Variants in GALNT13 observed in about 807,000 individuals in gnomAD.
GALNT13 encodes the protein UDP-GalNAc:polypeptide N-acetylgalactosaminyltransferase 13.
In GALNT13, 28 loss-of-function variants were observed where a neutral mutation model predicts 64.2. That is an observed-to-expected ratio of 0.44 (90% CI 0.32 to 0.60). GALNT13 has a LOEUF of 0.60. Ranked by LOEUF, GALNT13 falls within the 20% of genes least tolerant of loss-of-function variation. The pLI, the probability that GALNT13 is intolerant of heterozygous loss-of-function variation, is 0.05. For missense variants in GALNT13, 577 were observed against 669.8 expected, an observed-to-expected ratio of 0.86 and a Z score of 1.53; for synonymous variants, 214 against 224.6, an observed-to-expected ratio of 0.95 and a Z score of 0.42.
At chr2:153,328,171 G>T in the GALNT13 span, among the ~76,000 whole-genome samples, 19 of 152,172 alleles carry the variant, frequency 1.2e-4, no homozygotes, top group African/African-American at 4.6e-4. Context: ...TCCTTCCTCT[G>T]GAAGCTTCAT....
chr2:153,766,137 T>C, the GALNT13 span, among the ~76,000 whole-genome samples: 1 of 151,814 alleles, frequency 6.6e-6, no homozygotes, highest in African/African-American at 2.4e-5. Flanking sequence ...AAAATATTCA[T>C]GGTTGGCATT....
At chr2:153,899,994 G>T (rs1688131707) in intron 1 of GALNT13, among the ~76,000 whole-genome samples, 1 of 141,010 alleles carries the variant, frequency 7.1e-6, no homozygotes, top group Non-Finnish European at 1.5e-5. Context: ...GGAGTGCAGT[G>T]GCACGATCTC....
chr2:153,930,379 G>A (rs1338138781), intron 2 of GALNT13, among the ~76,000 whole-genome samples: 2 of 152,088 alleles, frequency 1.3e-5, no homozygotes, highest in East Asian at 3.9e-4. Flanking sequence ...ATTGCTTTTG[G>A]CATCTTCATC....
chr2:154,450,899 T>A lies in GALNT13; in HGVS notation c.*348T>A, dbSNP rs1207944265. On this transcript the variant is annotated 3_prime_UTR_variant, in exon 13 of 13. Coordinates refer to ENST00000392825, the MANE Select transcript of GALNT13 (RefSeq NM_052917.4). ...TTGTCATGGTGATTGAAAGAGATAA[T>A]GTAAATGCCTTATAAAATCTTCATT... is the stretch of plus-strand genomic sequence containing the variant. The A allele has an allele frequency of 5.8e-6, 1 of 172,714 alleles. No homozygotes were observed. The highest frequency in any genetic ancestry group is 5.9e-5 in the Admixed American group (1 of 16,928). The allele number at this position is 172,714 out of a possible 1,614,324, so 10.7% of individuals were successfully genotyped here. A position where few individuals can be genotyped will look rare whatever the true frequency, so the allele number is the denominator to read the frequency against.
the GALNT13 span, among the ~76,000 whole-genome samples, chr2:153,750,494 T>G: frequency 1.2e-4 from 18 of 151,996 alleles, no homozygotes; most frequent in East Asian, 3.5e-3. Context: ...CGTTTTGATA[T>G]TGTTACTTGT....
At chr2:154,419,302 T>A (rs953405022) in intron 11 of GALNT13, among the ~76,000 whole-genome samples, 1 of 152,152 alleles carries the variant, frequency 6.6e-6, no homozygotes, top group African/African-American at 2.4e-5. Context: ...ATGTTAAATA[T>A]GTCATGTTTG....
the GALNT13 span, among the ~76,000 whole-genome samples, chr2:153,438,644 A>C: frequency 1.3e-5 from 2 of 152,112 alleles, no homozygotes; most frequent in South Asian, 4.2e-4. Flanking sequence ...TGCATTCATC[A>C]CGTAGTTCTC....
At chr2:153,875,637 G>A (rs1686313269) in intron 1 of GALNT13, among the ~76,000 whole-genome samples, 1 of 152,154 alleles carries the variant, frequency 6.6e-6, no homozygotes, top group Non-Finnish European at 1.5e-5. Context: ...GAGATAAGAA[G>A]TAACAGTAAC....
the GALNT13 span, among the ~76,000 whole-genome samples, chr2:153,571,599 T>A: frequency 3.3e-5 from 5 of 151,934 alleles, no homozygotes; most frequent in Admixed American, 3.3e-4. Flanking sequence ...ATATATAGCT[T>A]TTATCATATT....
At chr2:153,856,316 T>G in the GALNT13 span, among the ~76,000 whole-genome samples, 3 of 152,102 alleles carry the variant, frequency 2.0e-5, no homozygotes, top group Admixed American at 1.3e-4. Context: ...TGTTTTAAAG[T>G]GGGAAACTTC....
intron 4 of GALNT13, among the ~76,000 whole-genome samples, chr2:154,223,448 C>CTTTTTTTTTT (rs61230257): frequency 2.4e-5 from 3 of 124,308 alleles, no homozygotes; most frequent in Non-Finnish European, 5.0e-5. Context: ...TTTTCTTTTT[C>CTTTTTTTTTT]TTTTTTTTTT....
the GALNT13 span, among the ~76,000 whole-genome samples, chr2:153,091,512 A>G: frequency 6.6e-6 from 1 of 152,140 alleles, no homozygotes; most frequent in Non-Finnish European, 1.5e-5. Flanking sequence ...TGCTCCTTTC[A>G]AAGGATCTGT....
chr2:154,411,317 T>TACACACACACACACACAC (rs59114913), intron 11 of GALNT13, among the ~76,000 whole-genome samples: 5 of 147,764 alleles, frequency 3.4e-5, no homozygotes, highest in African/African-American at 1.3e-4. Context: ...TAATTGCACA[T>TACACACACACACACACAC]ACACACACAC....
At chr2:153,722,260 G>A in the GALNT13 span, among the ~76,000 whole-genome samples, 14 of 147,564 alleles carry the variant, frequency 9.5e-5, no homozygotes, top group Admixed American at 4.0e-4. Flanking sequence ...TGAAACCAAC[G>A]AGAACAAAGA....
chr2:153,147,124 A>T, the GALNT13 span, among the ~76,000 whole-genome samples: 1 of 150,882 alleles, frequency 6.6e-6, no homozygotes, highest in African/African-American at 2.4e-5. Context: ...ACGTGCAGCT[A>T]AATAGACCCC....
chr2:153,155,676 A>G, the GALNT13 span, among the ~76,000 whole-genome samples: 11 of 151,970 alleles, frequency 7.2e-5, no homozygotes, highest in African/African-American at 2.4e-4. Context: ...ACAGACTCCT[A>G]GATTCTTTGA....
chr2:153,623,139 T>G, the GALNT13 span, among the ~76,000 whole-genome samples: 1 of 152,242 alleles, frequency 6.6e-6, no homozygotes, highest in South Asian at 2.1e-4. Context: ...TTTTTCCTGC[T>G]GTAGAAATGC....
the GALNT13 span, among the ~76,000 whole-genome samples, chr2:153,723,560 G>C: frequency 1.8e-4 from 28 of 151,422 alleles, no homozygotes; most frequent in African/African-American, 6.8e-4. Flanking sequence ...AAACCCCATC[G>C]TCTCAGCCCA....
At chr2:154,108,646 A>G (rs1009845647) in intron 3 of GALNT13, among the ~76,000 whole-genome samples, 1 of 151,952 alleles carries the variant, frequency 6.6e-6, no homozygotes, top group African/African-American at 2.4e-5. Context: ...CAAATCCAAG[A>G]AAAATAATTG....
Sources: gnomAD v4.1 joint callset for allele counts (sites outside exome capture counted in the v4.1 genomes callset) on GRCh38, gnomAD v4.1.1 for gene constraint, MANE v1.5 for transcripts, NCBI Gene and HGNC (gene_info 2026-07-23, HGNC 2026-07-21) for gene names.